The following EOLA1 variants were observed in gnomAD, a reference collection of about 807,000 sequenced individuals.
EOLA1 encodes endothelium and lymphocyte associated ASCH domain 1, also known as protein EOLA1.
Under a neutral mutation model 4.5 loss-of-function variants are expected in EOLA1, and 1 was observed. That is an observed-to-expected ratio of 0.22 (90% CI 0.08 to 1.05). The LOEUF is 1.05. Among genes scored for constraint, EOLA1 ranks in the 50% least tolerant of loss-of-function variants. EOLA1 has a pLI of 0.57. For missense variants in EOLA1, 69 were observed against 127.2 expected (o/e 0.54, Z 2.20); for synonymous variants, 37 against 52.3 (o/e 0.71, Z 1.26).
intron 4 of EOLA1, among the ~76,000 whole-genome samples, 198 bp from the exon 5 acceptor site, chrX:149,546,540 CT>C (rs1342489761): frequency 9.7e-6 from 1 of 103,179 alleles, no homozygotes; most frequent in African/African-American, 3.5e-5. Context: ...AGCCCTCCCC[CT>C]GCCTCTCCCA....
At position 149,541,834 on chromosome X, in the gene EOLA1, G is replaced by C. The variant is rs1450108705; in HGVS notation, c.-229-185G>C. ...GTCCTTGACCCAGACAGGTGCGGAGGGTCCCACTGCTGTGATTAGCAGAAC... is the reference window on the plus strand; with the variant it reads ...GTCCTTGACCCAGACAGGTGCGGAGCGTCCCACTGCTGTGATTAGCAGAAC... On this transcript the variant is annotated intron_variant, in intron 1 of 4. Transcript: ENST00000393985. The C allele has an allele frequency of 1.2e-5, 9 of 738,576 alleles. No homozygotes were observed. In the East Asian group the frequency reaches 1.4e-3, roughly 113 times the overall value. 60.9% of individuals were successfully genotyped at this position (738,576 alleles called of 1,213,427 possible).
intron 2 of EOLA1, among the ~76,000 whole-genome samples, chrX:149,542,522 C>T (rs2089749349): frequency 9.0e-6 from 1 of 110,737 alleles, no homozygotes; most frequent in Non-Finnish European, 1.9e-5. Flanking sequence ...CTTCACACAG[C>T]GAGTGTTAGA....
chrX:149,543,451 C>T (rs1444453368), intron 2 of EOLA1, among the ~76,000 whole-genome samples: 3 of 77,396 alleles, frequency 3.9e-5, no homozygotes, highest in East Asian at 3.5e-4. Context: ...AAGATCATTC[C>T]GATGGCAGTG....
rs781955338 is a variant in EOLA1, at chrX:149,545,755, A to G, written c.125A>G (p.His42Arg). 1.9e-5 allele frequency: 23 copies of G among 1,210,742 alleles called. No individual in the cohort carries two copies. The East Asian group carries it at 6.5e-4, about 34-fold the overall frequency. ...SSQRNCTIAV[H>R]IAHRDWEGDA... ...CAGCGGAACTGTACCATCGCCGTCCACATTGCTCACAGGGACTGGGAAGGC... is the reference window on the plus strand; with the variant it reads ...CAGCGGAACTGTACCATCGCCGTCCGCATTGCTCACAGGGACTGGGAAGGC... Residue 42 changes from histidine to arginine, a missense_variant, in exon 4 of 5, where the codon CAC becomes CGC. His to Arg is a conservative substitution (Grantham distance 29). Transcript: ENST00000393985.
intron 2 of EOLA1, chrX:149,544,584 G>T (rs1557347099): frequency 1.3e-6 from 1 of 749,180 alleles, no homozygotes; most frequent in East Asian, 1.5e-4. Flanking sequence ...CAGCCATGTG[G>T]AAACTGAGGC....
At position 149,547,365 on chromosome X, in the gene EOLA1, A is replaced by T. The variant is rs1166865265; in HGVS notation, c.*403A>T. 2 of 778,235 alleles carry T rather than the reference A, an allele frequency of 2.6e-6. No individual in the cohort carries two copies. The highest frequency in any genetic ancestry group is 4.5e-5 in the African/African-American group (2 of 44,054). 64.1% of individuals were successfully genotyped at this position (778,235 alleles called of 1,213,427 possible). Reference sequence around the variant, plus strand: ...TTTCCCCTGATTTGTTCTGGTCAAAACTCATCAAATGTGTAACTAGCATCC... The same window carrying T: ...TTTCCCCTGATTTGTTCTGGTCAAATCTCATCAAATGTGTAACTAGCATCC... On this transcript the variant is annotated 3_prime_UTR_variant, in exon 5 of 5. Coordinates refer to ENST00000393985, the MANE Select transcript of EOLA1 (RefSeq NM_001171907.3).
intron 2 of EOLA1, chrX:149,544,679 G>T: frequency 1.3e-6 from 1 of 753,327 alleles, no homozygotes. Context: ...CCATGCAAGA[G>T]GAGGGGACCC....
intron 2 of EOLA1, among the ~76,000 whole-genome samples, chrX:149,542,515 C>T (rs1602792421): frequency 9.0e-6 from 1 of 110,965 alleles, no homozygotes; most frequent in Non-Finnish European, 1.9e-5. Flanking sequence ...AGCATGTCTT[C>T]ACACAGCGAG....
At chrX:149,542,435 G>A (rs1162789778) in intron 2 of EOLA1, among the ~76,000 whole-genome samples, 12 of 108,907 alleles carry the variant, frequency 1.1e-4, no homozygotes, top group African/African-American at 3.1e-4. Flanking sequence ...GTGAGTCTTT[G>A]TGGAAAGTCA....
rs1412590846 is a variant in EOLA1, at chrX:149,547,433, G to A, written c.*471G>A. On this transcript the variant is annotated 3_prime_UTR_variant, in exon 5 of 5. Coordinates refer to ENST00000393985, the MANE Select transcript of EOLA1 (RefSeq NM_001171907.3). ...GTCTGGGACCTGGCACTGAATGTTTGCCTGGTAGTGACTAGCCGTTAATCA... is the reference window on the plus strand; with the variant it reads ...GTCTGGGACCTGGCACTGAATGTTTACCTGGTAGTGACTAGCCGTTAATCA... 1.4e-6 allele frequency: 1 copy of A among 727,928 alleles called. No individual in the cohort carries two copies. The highest frequency in any genetic ancestry group is 2.4e-5 in the African/African-American group (1 of 41,987). The allele number at this position is 727,928 out of a possible 1,213,427, so 60.0% of individuals were successfully genotyped here.
Position 149,542,180 on chromosome X carries a change from G to C in EOLA1, c.-163+95G>C, listed in dbSNP as rs188270895. On this transcript the variant is annotated intron_variant, in intron 2 of 4. Transcript: ENST00000393985. ...CACAGTTGGCGTCTGTTGTGATTTT[G>C]TGGTGATGACGAGAAAAGGGTTGGC... The C allele has an allele frequency of 5.7e-4, 164 of 290,227 alleles. 1 individual carries two copies. Among genetic ancestry groups the C allele is most frequent in the African/African-American group, 4.3e-3 (147 of 34,254 alleles). The allele number at this position is 290,227 out of a possible 1,213,427, so 23.9% of individuals were successfully genotyped here.
Position 149,548,243 on chromosome X carries a change from G to T in EOLA1, c.*1281G>T, listed in dbSNP as rs2089885180. On this transcript the variant is annotated 3_prime_UTR_variant, in exon 5 of 5. Transcript: ENST00000393985. Reference sequence around the variant, plus strand: ...TAAATTGTTTATTATTTATTTCCATGGAATTTTGTTTTTCTTTATTAAGAC... The same window carrying T: ...TAAATTGTTTATTATTTATTTCCATTGAATTTTGTTTTTCTTTATTAAGAC... The T allele has an allele frequency of 1.2e-5, 5 of 425,517 alleles. No homozygotes were observed. Among genetic ancestry groups the T allele is most frequent in the Non-Finnish European group, 1.7e-5 (5 of 289,610 alleles). The allele number at this position is 425,517 out of a possible 1,213,427, so 35.1% of individuals were successfully genotyped here. A position where few individuals can be genotyped will look rare whatever the true frequency, so the allele number is the denominator to read the frequency against.
Position 149,545,768 on chromosome X carries a change from G to T in EOLA1, c.138G>T (p.Arg46Ser). Residue 46 changes from arginine to serine, a missense_variant, in exon 4 of 5, where the codon AGG becomes AGT. Arg to Ser is a moderately radical substitution (Grantham distance 110). Transcript: ENST00000393985. ...NCTIAVHIAH[R>S]DWEGDAWREL... ...CCATCGCCGTCCACATTGCTCACAGGGACTGGGAAGGCGATGCCTGGCGGG... is the reference window on the plus strand; with the variant it reads ...CCATCGCCGTCCACATTGCTCACAGTGACTGGGAAGGCGATGCCTGGCGGG... 1.7e-6 allele frequency: 2 copies of T among 1,212,058 alleles called. No individual in the cohort carries two copies. The highest frequency in any genetic ancestry group is 2.2e-6 in the Non-Finnish European group (2 of 895,468).
rs7379 is a variant in EOLA1, at chrX:149,547,032, A to T, written c.*70A>T. ...ATCATGACACCTTCAATTTGCCATCATGACGCAGACCTGTATACATTAGGT... is the reference window on the plus strand; with the variant it reads ...ATCATGACACCTTCAATTTGCCATCTTGACGCAGACCTGTATACATTAGGT... On this transcript the variant is annotated 3_prime_UTR_variant, in exon 5 of 5. Coordinates refer to ENST00000393985, the MANE Select transcript of EOLA1 (RefSeq NM_001171907.3). 18 of 1,198,937 alleles carry T rather than the reference A, an allele frequency of 1.5e-5. No homozygotes were observed. Among genetic ancestry groups the T allele is most frequent in the South Asian group, 1.8e-5 (1 of 54,501 alleles).
chrX:149,543,490 T>TGGGGGGG (rs1557346732), intron 2 of EOLA1, among the ~76,000 whole-genome samples: 1 of 10,679 alleles, frequency 9.4e-5, no homozygotes, highest in Non-Finnish European at 1.6e-4. Flanking sequence ...GGACAAGTGC[T>TGGGGGGG]GGGGGGGGGT....
intron 2 of EOLA1, chrX:149,544,604 G>C (rs186825237): frequency 2.7e-6 from 2 of 751,193 alleles, no homozygotes; most frequent in Non-Finnish European, 3.1e-6. Context: ...CATCTCAAGA[G>C]TCTATGACTG....
downstream of EOLA1, chrX:149,548,512 A>G (rs1602824590): frequency 2.2e-6 from 2 of 926,499 alleles, no homozygotes; most frequent in East Asian, 4.2e-5. Flanking sequence ...AAACCAGACT[A>G]CTAAGAATCC....
At chrX:149,543,688 G>A (rs596495) in intron 2 of EOLA1, among the ~76,000 whole-genome samples, 2,375 of 79,348 alleles carry the variant, frequency 0.03, 120 homozygotes, top group African/African-American at 0.04. Context: ...GGGCAGGAAC[G>A]CTGTAGCTGG....
Position 149,547,667 on chromosome X carries a change from A to G in EOLA1, c.*705A>G. ...GAAATGTGATCAGTAGTGTTGTTTT[A>G]TTTTGTAGTAATTTTTTTTTTTTTT... is the stretch of plus-strand genomic sequence containing the variant. On this transcript the variant is annotated 3_prime_UTR_variant, in exon 5 of 5. Transcript: ENST00000393985. 4.3e-6 allele frequency: 3 copies of G among 696,117 alleles called. No homozygotes were observed. The highest frequency in any genetic ancestry group is 5.0e-6 in the Non-Finnish European group (3 of 600,169). 57.4% of individuals were successfully genotyped at this position (696,117 alleles called of 1,213,427 possible).
Sources: gnomAD v4.1 joint callset for allele counts (sites outside exome capture counted in the v4.1 genomes callset) on GRCh38, gnomAD v4.1.1 for gene constraint, MANE v1.5 for transcripts, NCBI Gene and HGNC (gene_info 2026-07-23, HGNC 2026-07-21) for gene names.